The following CTNNB1 variants were observed in gnomAD, a reference collection of about 807,000 sequenced individuals.
CTNNB1 encodes catenin beta 1.
Under a neutral mutation model 82.5 loss-of-function variants are expected in CTNNB1, and 6 were observed. The observed-to-expected ratio is 0.07, with a 90% CI of 0.04 to 0.14. The LOEUF is 0.14. Among genes scored for constraint, CTNNB1 ranks in the 10% least tolerant of loss-of-function variants. The pLI is 1.00. For synonymous variants in CTNNB1, 312 were observed against 329.7 expected, an observed-to-expected ratio of 0.95 and a Z score of 0.58; for missense variants, 529 against 980.4, an observed-to-expected ratio of 0.54 and a Z score of 6.15.
At chr3:41,230,246 T>C (rs2078277239) in intron 7 of CTNNB1, among the ~76,000 whole-genome samples, 1 of 152,228 alleles carries the variant, frequency 6.6e-6, no homozygotes, top group Non-Finnish European at 1.5e-5. Flanking sequence ...TTCTGTCAGC[T>C]GTTCCAGCAG....
intron 1 of CTNNB1, among the ~76,000 whole-genome samples, chr3:41,223,074 CAAAAA>C (rs138678614): frequency 6.7e-6 from 1 of 149,276 alleles, no homozygotes; most frequent in Non-Finnish European, 1.5e-5. Flanking sequence ...AACTCTGTCT[CAAAAA>C]AAAACAAAAC....
intron 7 of CTNNB1, among the ~76,000 whole-genome samples, chr3:41,232,180 T>C (rs757006328): frequency 6.6e-5 from 10 of 152,158 alleles, no homozygotes; most frequent in African/African-American, 9.7e-5. Flanking sequence ...TGTGTGTGTT[T>C]TAAAGTCTCT....
At chr3:41,215,901 G>A (rs907301799) in intron 1 of CTNNB1, among the ~76,000 whole-genome samples, 2 of 152,104 alleles carry the variant, frequency 1.3e-5, no homozygotes, top group African/African-American at 4.8e-5. Flanking sequence ...TTGGGCTGTA[G>A]TCACTGTTGA....
At chr3:41,202,720 A>G (rs1046232078) in intron 1 of CTNNB1, among the ~76,000 whole-genome samples, 11 of 152,214 alleles carry the variant, frequency 7.2e-5, no homozygotes, top group African/African-American at 2.7e-4. Flanking sequence ...GTCGGTTAAA[A>G]TAAATACTCA....
At chr3:41,199,869 C>A (rs1417048768) in intron 1 of CTNNB1, 199 bp downstream of exon 1, 1 of 149,034 alleles carries the variant, frequency 6.7e-6, no homozygotes, top group East Asian at 2.1e-4. Flanking sequence ...GGCCCGGGTT[C>A]CGGTCGCGCT....
chr3:41,237,697 CTTTTTT>C (rs548643863), intron 13 of CTNNB1: 3 of 139,996 alleles, frequency 2.1e-5, no homozygotes, highest in Admixed American at 7.8e-5. Flanking sequence ...GGCATTTTGC[CTTTTTT>C]TTTTTTTTTT....
chr3:41,229,248 C>T (rs2078248264), intron 7 of CTNNB1, among the ~76,000 whole-genome samples: 1 of 151,846 alleles, frequency 6.6e-6, no homozygotes, highest in South Asian at 2.1e-4. Context: ...TGAAGAATGC[C>T]ATTGGTAGTT....
chr3:41,225,917 A>T lies in CTNNB1; in HGVS notation c.936+56A>T. On this transcript the variant is annotated intron_variant, in intron 6 of 14. Transcript: ENST00000349496. This position sits in a 1 kb window ranked among gnomAD's most constrained non-coding sequence, Gnocchi z 5.3. ...TGGAGCATTGGACACCTCCAGTGTC[A>T]TGTCATTCCATGCAGTGTTCCTAAC... 1 of 1,493,084 alleles carries T rather than the reference A, an allele frequency of 6.7e-7. No individual in the cohort carries two copies. The allele number at this position is 1,493,084 out of a possible 1,614,324, so 92.5% of individuals were successfully genotyped here. A position where few individuals can be genotyped will look rare whatever the true frequency, so the allele number is the denominator to read the frequency against.
Position 41,225,931 on chromosome 3 carries a change from A to G in CTNNB1, c.936+70A>G, listed in dbSNP as rs2078164844. 3 of 1,445,348 alleles carry G rather than the reference A, an allele frequency of 2.1e-6. No individual in the cohort carries two copies. Among genetic ancestry groups the G allele is most frequent in the East Asian group, 2.3e-5 (1 of 43,420 alleles). 89.5% of individuals were successfully genotyped at this position (1,445,348 alleles called of 1,614,324 possible). On this transcript the variant is annotated intron_variant, in intron 6 of 14. Coordinates refer to ENST00000349496, the MANE Select transcript of CTNNB1 (RefSeq NM_001904.4). The surrounding 1 kb of genome is among the most constrained non-coding windows in gnomAD (Gnocchi z 5.3). ...CCTCCAGTGTCATGTCATTCCATGC[A>G]GTGTTCCTAACCTTTTTGGCACCAG...
In CTNNB1 at chr3:41,239,424, G is replaced by A; in HGVS notation, c.*82G>A. On this transcript the variant is annotated 3_prime_UTR_variant, in exon 15 of 15. Coordinates refer to ENST00000349496, the MANE Select transcript of CTNNB1 (RefSeq NM_001904.4). ...TGCCTACAGAACTTCAGAAAGACTTGGTTGGTAGGGTGGGAGTGGTTTAGG... is the reference window on the plus strand; with the variant it reads ...TGCCTACAGAACTTCAGAAAGACTTAGTTGGTAGGGTGGGAGTGGTTTAGG... The A allele has an allele frequency of 7.8e-7, 1 of 1,277,716 alleles. No individual in the cohort carries two copies. The highest frequency in any genetic ancestry group is 1.1e-6 in the Non-Finnish European group (1 of 900,398). The allele number at this position is 1,277,716 out of a possible 1,614,324, so 79.1% of individuals were successfully genotyped here.
intron 1 of CTNNB1, among the ~76,000 whole-genome samples, chr3:41,205,806 T>C (rs1287923356): frequency 6.6e-6 from 1 of 152,200 alleles, no homozygotes; most frequent in African/African-American, 2.4e-5. Context: ...CAATTATTTT[T>C]ATTACGATAC....
chr3:41,209,787 T>C (rs2077735784), intron 1 of CTNNB1, among the ~76,000 whole-genome samples: 1 of 152,190 alleles, frequency 6.6e-6, no homozygotes, highest in South Asian at 2.1e-4. Context: ...TAAAAAATGG[T>C]ACAACTGTAT....
At chr3:41,237,428 CAG>C (rs2078461500) in intron 13 of CTNNB1, 1 of 125,008 alleles carries the variant, frequency 8.0e-6, no homozygotes, top group Non-Finnish European at 1.6e-5. Flanking sequence ...CACTCAGTGA[CAG>C]AGCCAGACTC....
chr3:41,236,498 G>A lies in CTNNB1; in HGVS notation c.1953G>A (p.Val651=). The A allele has an allele frequency of 6.2e-7, 1 of 1,614,180 alleles. No individual in the cohort carries two copies. The highest frequency in any genetic ancestry group is 8.5e-7 in the Non-Finnish European group (1 of 1,180,034). ...TACTTCACTCTAGGAATGAAGGTGT[G>A]GGTAAGTAAAAAGGAACCAAAGCCT... The part of the protein sequence containing the change: ...TELLHSRNEG[V]ATYAAAVLFR... Residue 651 remains valine, a splice_region_variant and synonymous_variant, in exon 12 of 15, where the codon GTG becomes GTA. Coordinates refer to ENST00000349496, the MANE Select transcript of CTNNB1 (RefSeq NM_001904.4).
intron 1 of CTNNB1, among the ~76,000 whole-genome samples, chr3:41,205,739 A>G (rs1476541314): frequency 1.3e-5 from 2 of 152,182 alleles, no homozygotes; most frequent in African/African-American, 4.8e-5. Context: ...GTGAAAATGT[A>G]AATCATAGGC....
chr3:41,208,911 A>T (rs1244927540), intron 1 of CTNNB1, among the ~76,000 whole-genome samples: 1 of 151,964 alleles, frequency 6.6e-6, no homozygotes, highest in African/African-American at 2.4e-5. Flanking sequence ...TCCACTCACC[A>T]CCTCAGTCTC....
intron 9 of CTNNB1, 46 bp downstream of exon 9, chr3:41,233,913 G>C (rs748798077): frequency 1.3e-6 from 2 of 1,590,788 alleles, no homozygotes; most frequent in South Asian, 2.2e-5. Flanking sequence ...AATTGAAAAT[G>C]AAGCATCTCT....
intron 1 of CTNNB1, among the ~76,000 whole-genome samples, chr3:41,200,776 G>A (rs183201987): frequency 6.6e-6 from 1 of 152,310 alleles, no homozygotes; most frequent in East Asian, 1.9e-4. Context: ...TGCCAAGCTT[G>A]AAAGCTTTGG....
intron 1 of CTNNB1, among the ~76,000 whole-genome samples, chr3:41,218,373 G>A (rs998153120): frequency 2.6e-5 from 4 of 152,062 alleles, no homozygotes; most frequent in East Asian, 3.9e-4. Flanking sequence ...CATTATAAAT[G>A]TGATGGAACT....
Sources: gnomAD v4.1 joint callset for allele counts (sites outside exome capture counted in the v4.1 genomes callset) on GRCh38, gnomAD v4.1.1 for gene constraint, Gnocchi (gnomAD v3.1) non-coding constraint, MANE v1.5 for transcripts, NCBI Gene and HGNC (gene_info 2026-07-23, HGNC 2026-07-21) for gene names.